Variants in RIMS2 observed in about 807,000 individuals in gnomAD.
RIMS2 encodes the protein regulating synaptic membrane exocytosis protein 2.
A neutral mutation model predicts 174.4 loss-of-function variants in RIMS2; 59 were observed. The ratio of observed to expected loss-of-function variants is 0.34; its 90% CI spans 0.27 to 0.42. The LOEUF is 0.42. Among genes scored for constraint, RIMS2 ranks in the 10% least tolerant of loss-of-function variants. The pLI is 1.00. For synonymous variants in RIMS2, 606 were observed against 572.5 expected (o/e 1.06, Z -0.84); for missense variants, 1,620 against 1,666.3 (o/e 0.97, Z 0.48).
At chr8:103,514,917 A>AG (rs1563598998) in intron 1 of RIMS2, among the ~76,000 whole-genome samples, 117 of 151,466 alleles carry the variant, frequency 7.7e-4, no homozygotes, top group African/African-American at 2.6e-3. Flanking sequence ...AACAACAACA[A>AG]CAAAAAAACA....
At chr8:103,535,101 T>C (rs1449328975) in intron 1 of RIMS2, among the ~76,000 whole-genome samples, 1 of 152,216 alleles carries the variant, frequency 6.6e-6, no homozygotes, top group African/African-American at 2.4e-5. Context: ...TTTACGACTT[T>C]AGAATGTACT....
chr8:103,554,846 A>G (rs1158545195), intron 1 of RIMS2, among the ~76,000 whole-genome samples: 1 of 152,216 alleles, frequency 6.6e-6, no homozygotes, highest in African/African-American at 2.4e-5. Flanking sequence ...ATGAAATAGT[A>G]TGCAGCCATA....
intron 1 of RIMS2, among the ~76,000 whole-genome samples, chr8:103,626,595 C>G (rs1011384981): frequency 1.3e-5 from 2 of 152,172 alleles, no homozygotes; most frequent in Non-Finnish European, 1.5e-5. Context: ...ATATATTGAT[C>G]TAATACCATA....
At chr8:104,100,261 G>T (rs1358535609) in intron 19 of RIMS2, among the ~76,000 whole-genome samples, 1 of 151,952 alleles carries the variant, frequency 6.6e-6, no homozygotes, top group African/African-American at 2.4e-5. Flanking sequence ...ATTGTTCATT[G>T]CTAGTGTATA....
At chr8:103,508,447 T>G (rs1323115900) in intron 1 of RIMS2, among the ~76,000 whole-genome samples, 3 of 91,476 alleles carry the variant, frequency 3.3e-5, no homozygotes, top group Non-Finnish European at 6.7e-5. Context: ...CCCCAAAACC[T>G]TTCATTTGTT....
chr8:104,207,987 T>C (rs896183614), intron 19 of RIMS2, among the ~76,000 whole-genome samples: 2 of 152,044 alleles, frequency 1.3e-5, no homozygotes, highest in African/African-American at 4.8e-5. Context: ...CCAGCTGGTC[T>C]CAAACTCCTG....
At chr8:103,882,158 T>G (rs1336066823) in intron 3 of RIMS2, among the ~76,000 whole-genome samples, 3 of 151,512 alleles carry the variant, frequency 2.0e-5, no homozygotes, top group Admixed American at 6.6e-5. Context: ...TCAATGATAT[T>G]GCTTTATCTA....
At chr8:103,906,332 C>T (rs1442224726) in intron 4 of RIMS2, among the ~76,000 whole-genome samples, 1 of 152,126 alleles carries the variant, frequency 6.6e-6, no homozygotes, top group Admixed American at 6.5e-5. Context: ...GCAACCTCCG[C>T]CTTCCGGGTT....
intron 1 of RIMS2, among the ~76,000 whole-genome samples, chr8:103,547,883 C>T (rs1055199006): frequency 3.9e-5 from 6 of 152,114 alleles, no homozygotes; most frequent in Non-Finnish European, 1.5e-5. Context: ...TGATGAACAC[C>T]TCTATGCACA....
chr8:103,963,101 A>G (rs1328780379), intron 15 of RIMS2, among the ~76,000 whole-genome samples: 2 of 152,052 alleles, frequency 1.3e-5, no homozygotes, highest in Non-Finnish European at 2.9e-5. Context: ...TAGCCTTTTC[A>G]TTTTACAACT....
chr8:103,834,332 C>CTTTTTTTTTTT (rs397892077), intron 3 of RIMS2, among the ~76,000 whole-genome samples: 1 of 119,282 alleles, frequency 8.4e-6, no homozygotes, highest in Non-Finnish European at 1.7e-5. Flanking sequence ...TTTTCTTTTT[C>CTTTTTTTTTTT]TTTTTTTTTT....
chr8:103,963,347 G>A (rs1431159550), intron 15 of RIMS2, among the ~76,000 whole-genome samples: 1 of 152,082 alleles, frequency 6.6e-6, no homozygotes, highest in Non-Finnish European at 1.5e-5. Flanking sequence ...CTTATATGCA[G>A]AGATTTCTTT....
chr8:103,724,101 G>T (rs1383535766), intron 2 of RIMS2, among the ~76,000 whole-genome samples: 1 of 151,122 alleles, frequency 6.6e-6, no homozygotes. Context: ...GTACTGCAGG[G>T]ATGTGAGGGA....
At chr8:103,577,985 C>T (rs1441002412) in intron 1 of RIMS2, among the ~76,000 whole-genome samples, 1 of 152,012 alleles carries the variant, frequency 6.6e-6, no homozygotes, top group Non-Finnish European at 1.5e-5. Flanking sequence ...AGAAAATTAC[C>T]TTAAAAGAGC....
intron 19 of RIMS2, among the ~76,000 whole-genome samples, chr8:104,059,890 T>A (rs1435159730): frequency 6.6e-6 from 1 of 152,246 alleles, no homozygotes; most frequent in South Asian, 2.1e-4. Flanking sequence ...TTGCGTATAT[T>A]GAACCAGCCT....
At chr8:104,223,518 G>T in intron 19 of RIMS2, 1 of 1,411,830 alleles carries the variant, frequency 7.1e-7, no homozygotes, top group Non-Finnish European at 9.2e-7. Context: ...GGGAGGCAGG[G>T]GCCAGAGCCT....
At chr8:103,755,081 C>A (rs747696295) in intron 2 of RIMS2, among the ~76,000 whole-genome samples, 2 of 152,102 alleles carry the variant, frequency 1.3e-5, no homozygotes, top group African/African-American at 4.8e-5. Flanking sequence ...TGTTCCTTTC[C>A]ATGTTTAGTG....
At chr8:103,856,698 T>C (rs775965110) in intron 3 of RIMS2, among the ~76,000 whole-genome samples, 1 of 152,244 alleles carries the variant, frequency 6.6e-6, no homozygotes, top group Non-Finnish European at 1.5e-5. Flanking sequence ...ATGGCATATA[T>C]CTAATACTAG....
At chr8:104,184,018 T>A (rs1381587943) in intron 19 of RIMS2, among the ~76,000 whole-genome samples, 1 of 151,514 alleles carries the variant, frequency 6.6e-6, no homozygotes. Flanking sequence ...AACATTGTAT[T>A]TTTTCCTATG....
Sources: gnomAD v4.1 joint callset for allele counts (sites outside exome capture counted in the v4.1 genomes callset) on GRCh38, gnomAD v4.1.1 for gene constraint, MANE v1.5 for transcripts, NCBI Gene and HGNC (gene_info 2026-07-23, HGNC 2026-07-21) for gene names.